The following SH3RF2 variants were observed in gnomAD, a reference collection of about 807,000 sequenced individuals.
The protein encoded by SH3RF2 is E3 ubiquitin-protein ligase SH3RF2.
SH3RF2 carries 43 observed loss-of-function variants against 59.0 expected under a neutral mutation model. That is an observed-to-expected ratio of 0.73 (90% confidence interval 0.57 to 0.94). The LOEUF (loss-of-function observed/expected upper bound fraction) is 0.94, where lower values mean the gene tolerates loss of function less well. SH3RF2 is among the 40% of genes least tolerant of loss of function. The pLI is 0.00. For synonymous variants in SH3RF2, 391 were observed against 391.5 expected, an observed-to-expected ratio of 1.00 and a Z score of 0.01; for missense variants, 930 against 940.1, an observed-to-expected ratio of 0.99 and a Z score of 0.14.
chr5:146,056,157 G>T lies in SH3RF2; in HGVS notation c.1499G>T (p.Gly500Val). 6.2e-7 allele frequency: 1 copy of T among 1,614,174 alleles called. No individual in the cohort carries two copies. Among genetic ancestry groups the T allele is most frequent in the African/African-American group, 1.3e-5 (1 of 75,046 alleles). ...GTCAACCCCGTGAGAAGCACAGCCG[G>T]CCCTGGGACTTTAGGACAAGGGTCT... ...AIVNPVRSTA[G>V]PGTLGQGSLR... The change falls in exon 8 of 10, where the codon GGC (glycine) becomes GTC (valine). Residue 500 changes from glycine to valine, a missense_variant. Physicochemically the swap from Gly to Val is moderately radical, Grantham distance 109. Coordinates refer to ENST00000359120, the MANE Select transcript of SH3RF2 (RefSeq NM_152550.4).
chr5:145,939,348 C>T (rs1757721479), intron 2 of SH3RF2, among the ~76,000 whole-genome samples: 1 of 152,216 alleles, frequency 6.6e-6, no homozygotes, highest in Non-Finnish European at 1.5e-5. Context: ...TCTCCCTGCT[C>T]TGAAGAGGAA....
chr5:145,978,008 C>G (rs953831320), intron 2 of SH3RF2, among the ~76,000 whole-genome samples: 3 of 152,048 alleles, frequency 2.0e-5, no homozygotes, highest in Non-Finnish European at 4.4e-5. Context: ...ACTCTAAAAC[C>G]CTTATTCTTT....
chr5:146,053,755 C>T (rs1171144941), intron 7 of SH3RF2, among the ~76,000 whole-genome samples: 4 of 152,168 alleles, frequency 2.6e-5, no homozygotes, highest in African/African-American at 7.2e-5. Flanking sequence ...TTGCAACTTT[C>T]GCAGACATAT....
intron 9 of SH3RF2, among the ~76,000 whole-genome samples, chr5:146,070,848 A>C (rs1015796993): frequency 5.3e-5 from 8 of 152,236 alleles, no homozygotes; most frequent in Admixed American, 3.3e-4. Flanking sequence ...CAAGAGCTGC[A>C]GCCTGATAAG....
downstream of SH3RF2, among the ~76,000 whole-genome samples, chr5:146,063,785 G>A (rs746749098): frequency 2.0e-4 from 30 of 152,046 alleles, no homozygotes; most frequent in Non-Finnish European, 3.4e-4. Context: ...GCTTGAACCC[G>A]GGAGGCGGAG....
At chr5:145,943,157 G>A (rs1372408958) in intron 2 of SH3RF2, among the ~76,000 whole-genome samples, 1 of 151,540 alleles carries the variant, frequency 6.6e-6, no homozygotes, top group Admixed American at 6.6e-5. Context: ...TAACAAAAGA[G>A]TAACAATGGA....
chr5:146,013,741 T>C lies in SH3RF2; in HGVS notation c.745-6T>C. The stretch of plus-strand genomic sequence containing the variant: ...AAACTTCTCATTGGACCTTTTGTCT[T>C]TTCAGCCAAACCTCACCGCAAGACA... On this transcript the variant is annotated splice_region_variant and splice_polypyrimidine_tract_variant and intron_variant, in intron 4 of 9. Coordinates refer to ENST00000359120, the MANE Select transcript of SH3RF2 (RefSeq NM_152550.4). 6.2e-7 allele frequency: 1 copy of C among 1,612,916 alleles called. No homozygotes were observed.
chr5:146,059,194 T>C (rs1486449627), intron 8 of SH3RF2, among the ~76,000 whole-genome samples: 1 of 152,218 alleles, frequency 6.6e-6, no homozygotes, highest in Non-Finnish European at 1.5e-5. Flanking sequence ...TCATGAGACA[T>C]TGCAAAGCCC....
chr5:146,044,118 TG>T (rs1289942703), intron 5 of SH3RF2, among the ~76,000 whole-genome samples: 2 of 152,114 alleles, frequency 1.3e-5, no homozygotes, highest in Non-Finnish European at 2.9e-5. Flanking sequence ...CACCAACACT[TG>T]GTATGATTGG....
At position 145,937,972 on chromosome 5, in the gene SH3RF2, G is replaced by A. The variant is rs150590690; in HGVS notation, c.44G>A (p.Cys15Tyr). 127 of 1,614,200 alleles carry A rather than the reference G, an allele frequency of 7.9e-5. No individual in the cohort carries two copies. The highest frequency in any genetic ancestry group is 6.6e-4 in the Middle Eastern group (4 of 6,062). ...TLLDLLECPVCFEKLDVTAKV... is the reference protein window; with the variant it reads ...TLLDLLECPVYFEKLDVTAKV... Reference sequence around the variant, plus strand: ...CTTGATCTTCTGGAGTGCCCTGTGTGCTTTGAGAAGCTCGATGTCACAGCC... The same window carrying A: ...CTTGATCTTCTGGAGTGCCCTGTGTACTTTGAGAAGCTCGATGTCACAGCC... The change falls in exon 2 of 10, where the codon TGC becomes TAC. Residue 15 changes from cysteine to tyrosine, a missense_variant. By Grantham distance (194) the Cys-to-Tyr change is radical. Transcript: ENST00000359120.
At chr5:145,941,809 GGTT>G in intron 2 of SH3RF2, among the ~76,000 whole-genome samples, 1 of 152,230 alleles carries the variant, frequency 6.6e-6, no homozygotes, top group South Asian at 2.1e-4. Flanking sequence ...TACCTCAGAG[GGTT>G]GTTGTGAGAA....
Position 146,000,344 on chromosome 5 carries a change from C to T in SH3RF2, c.648+17C>T. 1 of 1,608,494 alleles carries T rather than the reference C, an allele frequency of 6.2e-7. No homozygotes were observed. The highest frequency in any genetic ancestry group is 8.5e-7 in the Non-Finnish European group (1 of 1,178,316). On this transcript the variant is annotated intron_variant, in intron 3 of 9. Transcript: ENST00000359120. ...TTCCTCAAGGTAGGATTCTGGGTGG[C>T]CACCAGAGTCACCTGGGACCACGTA...
intron 5 of SH3RF2, among the ~76,000 whole-genome samples, chr5:146,021,519 C>T (rs982285013): frequency 6.6e-6 from 1 of 152,186 alleles, no homozygotes; most frequent in Non-Finnish European, 1.5e-5. Context: ...CCCATATTAT[C>T]ATTATCTGCC....
chr5:146,079,612 C>A (rs1039966951), exon 10 of SH3RF2: 7 of 152,196 alleles, frequency 4.6e-5, no homozygotes, highest in Non-Finnish European at 8.8e-5. Flanking sequence ...ATCAGCCAGA[C>A]CATGAGCAGA....
At chr5:146,056,831 T>C (rs190240583) in intron 8 of SH3RF2, among the ~76,000 whole-genome samples, 5 of 152,302 alleles carry the variant, frequency 3.3e-5, no homozygotes, top group Admixed American at 2.6e-4. Flanking sequence ...ACTCACTGCA[T>C]TGTTCTACAC....
intron 9 of SH3RF2, among the ~76,000 whole-genome samples, chr5:146,076,861 C>T (rs1030305864): frequency 5.9e-5 from 9 of 152,118 alleles, no homozygotes; most frequent in African/African-American, 2.2e-4. Flanking sequence ...TGTGATAAGA[C>T]TTCCACAAAC....
At chr5:145,971,726 G>A (rs1037305504) in intron 2 of SH3RF2, among the ~76,000 whole-genome samples, 6 of 152,308 alleles carry the variant, frequency 3.9e-5, no homozygotes, top group East Asian at 1.9e-4. Context: ...GGCAGGTGCC[G>A]AAGAAGAAAA....
chr5:146,031,814 C>A (rs1242971932), intron 5 of SH3RF2, among the ~76,000 whole-genome samples: 1 of 152,158 alleles, frequency 6.6e-6, no homozygotes, highest in Non-Finnish European at 1.5e-5. Flanking sequence ...GGCCAGGCAG[C>A]CACCATCCAA....
rs75036339 is a variant in SH3RF2, at chr5:146,036,270, G to A, written c.1060-11502G>A. 1.0e-3 allele frequency among the ~76,000 whole-genome samples: 158 copies of A among 152,270 alleles called. 3 individuals are homozygous for A. In the East Asian group the frequency reaches 0.028, roughly 27 times the overall value. On this transcript the variant is annotated intron_variant, in intron 5 of 9. Transcript: ENST00000359120. ...AAAGCATGAGGTAGAAAATAGCAGGGGAGACCAGACGCAGTGGCTCACACC... is the reference window on the plus strand; with the variant it reads ...AAAGCATGAGGTAGAAAATAGCAGGAGAGACCAGACGCAGTGGCTCACACC...
Sources: allele counts gnomAD v4.1 joint callset (sites outside exome capture counted in the v4.1 genomes callset), GRCh38; gene constraint gnomAD v4.1.1; transcripts MANE v1.5; gene names NCBI Gene and HGNC (gene_info 2026-07-23, HGNC 2026-07-21).